CCBE1: variants seen among roughly 807,000 people sequenced by gnomAD.
The protein encoded by CCBE1 is collagen and calcium-binding EGF domain-containing protein 1.
Under a neutral mutation model 50.0 loss-of-function variants are expected in CCBE1, and 37 were observed. That is an observed-to-expected ratio of 0.74 (90% CI 0.57 to 0.97). The LOEUF (loss-of-function observed/expected upper bound fraction) is 0.97. Ranked by LOEUF, CCBE1 falls within the 50% of genes least tolerant of loss-of-function variation. The probability of loss-of-function intolerance (pLI) is 0.00; values close to 1 mark genes in which losing one functional copy is unlikely to be tolerated. For missense variants in CCBE1, 538 were observed against 523.8 expected (o/e 1.03, Z -0.26); for synonymous variants, 234 against 203.7 (o/e 1.15, Z -1.27).
In CCBE1 at chr18:59,469,470, C is replaced by G. The variant is rs902697972; in HGVS notation, c.400+3G>C. 2 of 1,614,114 alleles carry G rather than the reference C, an allele frequency of 1.2e-6. No individual in the cohort carries two copies. The highest frequency in any genetic ancestry group is 1.7e-6 in the Non-Finnish European group (2 of 1,180,048). On this transcript the variant is annotated splice_donor_region_variant and intron_variant, in intron 4 of 10. Coordinates refer to ENST00000439986, the MANE Select transcript of CCBE1 (RefSeq NM_133459.4). ...GCTGGAAACAAGCACATTCCCAACA[C>G]ACCCAGACAGTATGGCTTCTCCCGC...
chr18:59,508,710 G>GTTTTTTTT, intron 2 of CCBE1, among the ~76,000 whole-genome samples: 1 of 99,408 alleles, frequency 1.0e-5, no homozygotes, highest in Non-Finnish European at 2.0e-5. Context: ...ATAGAGTTAC[G>GTTTTTTTT]CTTTTTTTTT....
intron 2 of CCBE1, among the ~76,000 whole-genome samples, chr18:59,529,385 G>C (rs1001482315): frequency 6.6e-6 from 1 of 152,202 alleles, no homozygotes; most frequent in Non-Finnish European, 1.5e-5. Flanking sequence ...AATTATGATG[G>C]CCACCTCTCT....
rs770958531 is a variant in CCBE1 at position 59,454,847 on chromosome 18, G to T, written c.654+4C>A. On this transcript the variant is annotated splice_donor_region_variant and intron_variant, in intron 6 of 10. Coordinates refer to ENST00000439986, the MANE Select transcript of CCBE1 (RefSeq NM_133459.4). ...ATCATCGTTCCCACCCCAGCGGCAC[G>T]TACCTTTTGCTTCAGCTGCAGCACG... 1.1e-5 allele frequency: 17 copies of T among 1,613,264 alleles called. No individual in the cohort carries two copies. Among genetic ancestry groups the T allele is most frequent in the African/African-American group, 1.3e-5 (1 of 75,032 alleles).
intron 2 of CCBE1, among the ~76,000 whole-genome samples, chr18:59,551,016 A>G (rs146191796): frequency 2.0e-4 from 19 of 93,218 alleles, no homozygotes; most frequent in South Asian, 7.3e-4. Flanking sequence ...AAAAAAAAAA[A>G]AAAAAAAAAA....
At chr18:59,596,094 AAAG>A (rs1233090776) in intron 2 of CCBE1, among the ~76,000 whole-genome samples, 1 of 152,248 alleles carries the variant, frequency 6.6e-6, no homozygotes, top group Admixed American at 6.5e-5. Flanking sequence ...ACAAATGGCT[AAAG>A]AATGCAGGAA....
chr18:59,454,495 C>A (rs9973068), intron 6 of CCBE1, among the ~76,000 whole-genome samples: 12 of 152,194 alleles, frequency 7.9e-5, no homozygotes, highest in African/African-American at 1.4e-4. Context: ...ATCCACCTGC[C>A]TCAGCCTCCC....
At chr18:59,461,067 G>T (rs575553609) in intron 5 of CCBE1, among the ~76,000 whole-genome samples, 2 of 152,190 alleles carry the variant, frequency 1.3e-5, no homozygotes, top group East Asian at 1.9e-4. Context: ...GTCTGAAAGG[G>T]TGAAAGGGTC....
At chr18:59,543,428 A>G (rs935193156) in intron 2 of CCBE1, among the ~76,000 whole-genome samples, 2 of 152,230 alleles carry the variant, frequency 1.3e-5, no homozygotes, top group Non-Finnish European at 2.9e-5. Flanking sequence ...AGGATTAAAA[A>G]GAGTCTGATT....
At chr18:59,518,281 G>A (rs1228718479) in intron 2 of CCBE1, among the ~76,000 whole-genome samples, 1 of 152,134 alleles carries the variant, frequency 6.6e-6, no homozygotes, top group Non-Finnish European at 1.5e-5. Context: ...TTGAAGTTAG[G>A]AGTTCAAGAC....
intron 2 of CCBE1, among the ~76,000 whole-genome samples, chr18:59,566,879 G>A (rs2052838600): frequency 6.6e-6 from 1 of 152,058 alleles, no homozygotes; most frequent in Non-Finnish European, 1.5e-5. Context: ...AGCCTCAGAA[G>A]ACATTGTGAG....
At chr18:59,543,752 G>A (rs1231259404) in intron 2 of CCBE1, among the ~76,000 whole-genome samples, 1 of 147,614 alleles carries the variant, frequency 6.8e-6, no homozygotes, top group African/African-American at 2.5e-5. Context: ...GGAGAATGGC[G>A]TGAACCCGGG....
intron 2 of CCBE1, among the ~76,000 whole-genome samples, chr18:59,531,865 G>T (rs925576665): frequency 4.6e-5 from 7 of 152,164 alleles, no homozygotes; most frequent in East Asian, 1.9e-4. Context: ...ACTCAAGACC[G>T]AAACAAGTAG....
chr18:59,679,053 T>C (rs2054549322), intron 2 of CCBE1, among the ~76,000 whole-genome samples: 1 of 152,224 alleles, frequency 6.6e-6, no homozygotes, highest in African/African-American at 2.4e-5. Flanking sequence ...ACTACAGTAT[T>C]ATCTTTGGAG....
rs199772937 is a variant in CCBE1 at position 59,610,766 on chromosome 18, C to CA, written c.212+85862dup. On this transcript the variant is annotated intron_variant, in intron 2 of 10. Transcript: ENST00000439986. ...GGTGGACACATGAGGAACGGAGCCT[C>CA]ACACAGAGGCCAAAGGTGAACCAGT... Among the ~76,000 whole-genome samples the CA allele has an allele frequency of 2.9e-3, 387 of 133,312 alleles. 9 individuals are homozygous for CA. The East Asian group carries it at 0.058, about 20-fold the overall frequency. The allele number at this position is 133,312 out of a possible 152,430, so 87.5% of individuals were successfully genotyped here.
intron 2 of CCBE1, among the ~76,000 whole-genome samples, chr18:59,580,115 C>T (rs1317813245): frequency 6.6e-6 from 1 of 152,196 alleles, no homozygotes; most frequent in East Asian, 1.9e-4. Flanking sequence ...ACTGGGGCCC[C>T]GAATTACTAA....
At chr18:59,642,893 G>A (rs1347105091) in intron 2 of CCBE1, among the ~76,000 whole-genome samples, 6 of 136,106 alleles carry the variant, frequency 4.4e-5, no homozygotes, top group African/African-American at 1.1e-4. Context: ...AGGTTGCAGT[G>A]AACCGAGATC....
chr18:59,454,278 C>T (rs1054964021), intron 6 of CCBE1, among the ~76,000 whole-genome samples: 1 of 152,096 alleles, frequency 6.6e-6, no homozygotes, highest in African/African-American at 2.4e-5. Flanking sequence ...GAGTTTCACT[C>T]TTGTTGCCCA....
chr18:59,672,774 A>G (rs1164471250), intron 2 of CCBE1, among the ~76,000 whole-genome samples: 1 of 152,246 alleles, frequency 6.6e-6, no homozygotes. Context: ...GATGAAGGAT[A>G]CAAGAATAAA....
intron 2 of CCBE1, among the ~76,000 whole-genome samples, chr18:59,685,460 C>G (rs996051506): frequency 6.6e-6 from 1 of 152,190 alleles, no homozygotes; most frequent in Non-Finnish European, 1.5e-5. Context: ...CACAAGAGAC[C>G]CTGGCTTAGT....
Sources: allele counts gnomAD v4.1 joint callset (sites outside exome capture counted in the v4.1 genomes callset), GRCh38; gene constraint gnomAD v4.1.1; transcripts MANE v1.5; gene names NCBI Gene and HGNC (gene_info 2026-07-23, HGNC 2026-07-21).